NR2F1: variants seen among roughly 807,000 people sequenced by gnomAD.
NR2F1 encodes COUP transcription factor 1.
A neutral mutation model predicts 37.7 loss-of-function variants in NR2F1; 1 was observed. The ratio of observed to expected loss-of-function variants is 0.03; its 90% CI spans 0.01 to 0.13. The LOEUF is 0.13. NR2F1 is among the 10% of genes least tolerant of loss of function. The probability of loss-of-function intolerance (pLI) is 1.00; values close to 1 mark genes in which losing one functional copy is unlikely to be tolerated. For synonymous variants in NR2F1, 275 were observed against 259.6 expected (o/e 1.06, Z -0.57); for missense variants, 268 against 578.4 (o/e 0.46, Z 5.50).
rs1561522392 is a variant in NR2F1 at position 93,583,550 on chromosome 5, G to A, written c.-1474G>A. On this transcript the variant is annotated 5_prime_UTR_variant, in exon 1 of 3. Coordinates refer to ENST00000327111, the MANE Select transcript of NR2F1 (RefSeq NM_005654.6). ...AGAAAAAAAAAAGGAGGAGGAGGAG[G>A]AGGAGGCACCCCCTTCGTATTCTTC... is the stretch of plus-strand genomic sequence containing the variant. 6.6e-6 allele frequency: 1 copy of A among 152,060 alleles called. No homozygotes were observed. Among genetic ancestry groups the A allele is most frequent in the African/African-American group, 2.4e-5 (1 of 41,374 alleles). The allele number at this position is 152,060 out of a possible 1,614,324, so 9.4% of individuals were successfully genotyped here.
chr5:93,588,972 G>A (rs2149943575), intron 2 of NR2F1, among the ~76,000 whole-genome samples: 1 of 152,232 alleles, frequency 6.6e-6, no homozygotes, highest in African/African-American at 2.4e-5. Flanking sequence ...CACAGAGAGA[G>A]GTGGAAAGAG....
chr5:93,588,874 G>A (rs925380310), intron 2 of NR2F1, among the ~76,000 whole-genome samples: 5 of 152,150 alleles, frequency 3.3e-5, no homozygotes, highest in African/African-American at 9.7e-5. Flanking sequence ...GCGTTTCTGG[G>A]GGAGGCGAGG....
intron 1 of NR2F1, 91 bp from the exon 2 acceptor site, chr5:93,587,826 C>T (rs1753258658): frequency 1.5e-6 from 2 of 1,341,950 alleles, no homozygotes; most frequent in Admixed American, 4.6e-5. Context: ...GCGGGAAGAG[C>T]TTCTGCATTG....
chr5:93,586,628 A>AT (rs1753238956), intron 1 of NR2F1, among the ~76,000 whole-genome samples: 1 of 152,196 alleles, frequency 6.6e-6, no homozygotes, highest in Non-Finnish European at 1.5e-5. Context: ...TATATTTTAT[A>AT]TGCCACAAGA....
intron 1 of NR2F1, chr5:93,585,737 G>A: frequency 1.9e-6 from 1 of 537,012 alleles, no homozygotes; most frequent in Admixed American, 3.2e-5. Context: ...GCCTGCTCAG[G>A]ATTGTGTCCC....
intron 2 of NR2F1, among the ~76,000 whole-genome samples, 167 bp downstream of exon 2, chr5:93,588,611 C>T (rs1163634646): frequency 6.7e-6 from 1 of 149,324 alleles, no homozygotes; most frequent in East Asian, 2.0e-4. Context: ...CGGTGACCGG[C>T]TGGCCGCGCC....
chr5:93,586,408 T>C (rs1169374183), intron 1 of NR2F1, among the ~76,000 whole-genome samples: 5 of 152,058 alleles, frequency 3.3e-5, no homozygotes, highest in Non-Finnish European at 7.4e-5. Context: ...GTTTGTTTTT[T>C]TTAAAAAAAA....
At chr5:93,591,276 G>T (rs1753325171) in intron 2 of NR2F1, among the ~76,000 whole-genome samples, 1 of 152,236 alleles carries the variant, frequency 6.6e-6, no homozygotes, top group Admixed American at 6.5e-5. Context: ...AACTCATGGA[G>T]CATAAATATA....
rs1306612236 is a variant in NR2F1, at chr5:93,587,966, C to T, written c.513C>T (p.Tyr171=). 2.5e-6 allele frequency: 4 copies of T among 1,610,062 alleles called. No homozygotes were observed. Among genetic ancestry groups the T allele is most frequent in the East Asian group, 4.5e-5 (2 of 44,814 alleles). ...CAACCCAGCCCAATCCAGGCCAGTA[C>T]GCACTCACCAACGGGGACCCCCTCA... ...MPPTQPNPGQ[Y]ALTNGDPLNG... The change falls in exon 2 of 3, where the codon TAC becomes TAT. Residue 171 remains tyrosine (Y), a synonymous_variant. Coordinates refer to ENST00000327111, the MANE Select transcript of NR2F1 (RefSeq NM_005654.6).
chr5:93,589,360 G>A (rs895635785), intron 2 of NR2F1, among the ~76,000 whole-genome samples: 2 of 152,196 alleles, frequency 1.3e-5, no homozygotes, highest in Admixed American at 1.3e-4. Context: ...CTGAGCCTCC[G>A]AGAACAATCC....
At position 93,583,293 on chromosome 5, in the gene NR2F1, C is replaced by CTCT. The variant is rs1341957065; in HGVS notation, c.-1724_-1722dup. ...TGGGTCTCTCTCTCTCTCTCTCTCT[C>CTCT]TCTTCTTCTCTTCTCTCTCTCTCTC... On this transcript the variant is annotated 5_prime_UTR_variant, in exon 1 of 3. Transcript: ENST00000327111. 2 of 151,134 alleles carry CTCT rather than the reference C, an allele frequency of 1.3e-5. No individual in the cohort carries two copies. The highest frequency in any genetic ancestry group is 3.0e-5 in the Non-Finnish European group (2 of 67,724). 9.4% of individuals were successfully genotyped at this position (151,134 alleles called of 1,614,324 possible).
At chr5:93,586,215 G>T (rs1423173625) in intron 1 of NR2F1, among the ~76,000 whole-genome samples, 1 of 152,126 alleles carries the variant, frequency 6.6e-6, no homozygotes, top group Admixed American at 6.5e-5. Flanking sequence ...TGCTTTCATA[G>T]TTGTGTCATT....
Position 93,588,404 on chromosome 5 carries a change from C to A in NR2F1, c.951C>A (p.Ala317=). ...EKLKALHVDS[A]EYSCLKAIVL... ...TCAAGGCGCTACACGTCGACTCAGC[C>A]GAGTACAGCTGCCTCAAAGCCATCG... is the stretch of plus-strand genomic sequence containing the variant. Residue 317 remains alanine (A), a synonymous_variant, in exon 2 of 3, where the codon GCC becomes GCA. Coordinates refer to ENST00000327111, the MANE Select transcript of NR2F1 (RefSeq NM_005654.6). 6.2e-7 allele frequency: 1 copy of A among 1,611,918 alleles called. No homozygotes were observed. The highest frequency in any genetic ancestry group is 8.5e-7 in the Non-Finnish European group (1 of 1,179,206).
intron 2 of NR2F1, among the ~76,000 whole-genome samples, chr5:93,590,614 T>C (rs1017058499): frequency 6.6e-6 from 1 of 152,212 alleles, no homozygotes; most frequent in Non-Finnish European, 1.5e-5. Context: ...CCCCCTCCCA[T>C]GCAACACATT....
intron 1 of NR2F1, 122 bp from the exon 2 acceptor site, chr5:93,587,795 A>G (rs1753257885): frequency 9.6e-7 from 1 of 1,044,592 alleles, no homozygotes; most frequent in African/African-American, 1.6e-5. Flanking sequence ...GCCGGAGAAG[A>G]TGCGCGGGGC....
At chr5:93,585,859 A>G (rs1753223318) in intron 1 of NR2F1, among the ~76,000 whole-genome samples, 1 of 151,070 alleles carries the variant, frequency 6.6e-6, no homozygotes, top group South Asian at 2.1e-4. Context: ...TGCTGGCATG[A>G]ACTTGGGGAG....
At position 93,587,993 on chromosome 5, in the gene NR2F1, C is replaced by T. The variant is rs747863258; in HGVS notation, c.540C>T (p.Asn180=). The T allele has an allele frequency of 9.9e-6, 16 of 1,613,460 alleles. No homozygotes were observed. The highest frequency in any genetic ancestry group is 1.4e-5 in the Non-Finnish European group (16 of 1,179,722). ...CACTCACCAACGGGGACCCCCTCAA[C>T]GGCCACTGCTACCTGTCCGGCTACA... ...QYALTNGDPL[N]GHCYLSGYIS... The change falls in exon 2 of 3, where the codon AAC becomes AAT. Residue 180 remains asparagine, a synonymous_variant. Transcript: ENST00000327111.
intron 1 of NR2F1, chr5:93,587,093 C>T (rs1223723202): frequency 3.3e-5 from 5 of 150,852 alleles, no homozygotes; most frequent in African/African-American, 9.8e-5. Context: ...AGCATGCTTA[C>T]GTTTTGCATT....
Position 93,588,167 on chromosome 5 carries a change from C to T in NR2F1, c.714C>T (p.Pro238=), listed in dbSNP as rs1469607029. ...FSAVEWARNI[P]FFPDLQITDQ... The stretch of plus-strand genomic sequence containing the variant: ...CCGTCGAGTGGGCCCGCAACATCCC[C>T]TTCTTCCCGGATCTGCAGATCACCG... The change falls in exon 2 of 3, where the codon CCC becomes CCT. Residue 238 remains proline, a synonymous_variant. Transcript: ENST00000327111. 1 of 1,614,106 alleles carries T rather than the reference C, an allele frequency of 6.2e-7. No homozygotes were observed. Among genetic ancestry groups the T allele is most frequent in the East Asian group, 2.2e-5 (1 of 44,842 alleles).
Sources: gnomAD v4.1 joint callset for allele counts (sites outside exome capture counted in the v4.1 genomes callset) on GRCh38, gnomAD v4.1.1 for gene constraint, MANE v1.5 for transcripts, NCBI Gene and HGNC (gene_info 2026-07-23, HGNC 2026-07-21) for gene names.